Variants in NAA20 observed in about 807,000 individuals in gnomAD.
NAA20 encodes N-alpha-acetyltransferase 20, NatB catalytic subunit.
In NAA20, 24 loss-of-function variants were observed where a neutral mutation model predicts 23.8. The ratio of observed to expected loss-of-function variants is 1.01; its 90% CI spans 0.73 to 1.42. The LOEUF (loss-of-function observed/expected upper bound fraction) is 1.42, where lower values mean the gene tolerates loss of function less well. NAA20 is among the 40% of genes most tolerant of loss of function. The pLI, the probability that NAA20 is intolerant of heterozygous loss-of-function variation, is 0.00. For synonymous variants in NAA20, 83 were observed against 77.7 expected, an observed-to-expected ratio of 1.07 and a Z score of -0.36; for missense variants, 166 against 223.1, an observed-to-expected ratio of 0.74 and a Z score of 1.63.
At chr20:20,027,467 T>C (rs1190330288) in intron 4 of NAA20, among the ~76,000 whole-genome samples, 3 of 152,206 alleles carry the variant, frequency 2.0e-5, no homozygotes, top group African/African-American at 7.2e-5. Context: ...TTAAATGACT[T>C]GGCAGAACCA....
rs1189162201 is a variant in NAA20, at chr20:20,032,584, T to C, written c.382T>C (p.Tyr128His). Residue 128 changes from tyrosine (Y) to histidine (H), a missense_variant, in exon 5 of 6, where the codon TAC becomes CAC. By Grantham distance (83) the Tyr-to-His change is moderately conservative. Coordinates refer to ENST00000334982, the MANE Select transcript of NAA20 (RefSeq NM_016100.5). ...VAVNMYKQLG[Y>H]SVYRTVIEYY... ...AGTTAACATGTACAAGCAGTTGGGC[T>C]ACAGTGTATATAGGACGGTCATAGA... 1.9e-6 allele frequency: 3 copies of C among 1,613,848 alleles called. No individual in the cohort carries two copies.
chr20:20,022,734 T>C, intron 2 of NAA20: 1 of 394,426 alleles, frequency 2.5e-6, no homozygotes, highest in Non-Finnish European at 4.5e-6. Flanking sequence ...ACCTTGCCCC[T>C]CAGGAGTCAG....
intron 1 of NAA20, chr20:20,018,928 T>C: frequency 2.0e-6 from 2 of 985,422 alleles, no homozygotes; most frequent in Non-Finnish European, 2.4e-6. Context: ...GCAGTGGTTC[T>C]GAAAGACTTG....
At chr20:20,021,330 G>A (rs998519713) in intron 1 of NAA20, among the ~76,000 whole-genome samples, 3 of 152,146 alleles carry the variant, frequency 2.0e-5, no homozygotes, top group Admixed American at 2.0e-4. Flanking sequence ...CTTTTCCACT[G>A]TCATTCCCTC....
At chr20:20,019,138 C>G (rs1340061340) in intron 1 of NAA20, among the ~76,000 whole-genome samples, 1 of 152,182 alleles carries the variant, frequency 6.6e-6, no homozygotes, top group African/African-American at 2.4e-5. Flanking sequence ...TCACTTACTG[C>G]CCTGTTGTTT....
chr20:20,029,191 A>G (rs2043326096), intron 4 of NAA20, among the ~76,000 whole-genome samples: 3 of 152,222 alleles, frequency 2.0e-5, no homozygotes, highest in African/African-American at 7.2e-5. Flanking sequence ...AGAAAGATTG[A>G]AAGTAAATTT....
At chr20:20,019,049 A>G (rs1404954323) in intron 1 of NAA20, among the ~76,000 whole-genome samples, 1 of 152,104 alleles carries the variant, frequency 6.6e-6, no homozygotes, top group African/African-American at 2.4e-5. Context: ...CCCTCTCTTT[A>G]AAGTGTTCCC....
Position 20,028,987 on chromosome 20 carries a change from T to A in NAA20, c.305+2068T>A, listed in dbSNP as rs1388682319. Among the ~76,000 whole-genome samples, 6 of 152,112 alleles carry A rather than the reference T, an allele frequency of 3.9e-5. No homozygotes were observed. In the East Asian group the frequency reaches 1.2e-3, roughly 29 times the overall value. ...CTCTGTTGCTCAGGCTGGAGTGCAG[T>A]GGCGTGATCTCAGCTCACTGCAACG... On this transcript the variant is annotated intron_variant, in intron 4 of 5. Transcript: ENST00000334982.
chr20:20,029,453 C>T (rs1166831827), intron 4 of NAA20, among the ~76,000 whole-genome samples: 1 of 151,784 alleles, frequency 6.6e-6, no homozygotes, highest in Non-Finnish European at 1.5e-5. Flanking sequence ...CCCGTCTCGA[C>T]TAAAAATACA....
intron 5 of NAA20, 102 bp downstream of exon 5, chr20:20,032,755 C>CT (rs1294550668): frequency 7.3e-7 from 1 of 1,370,796 alleles, no homozygotes; most frequent in East Asian, 2.6e-5. Flanking sequence ...GAATATTTGA[C>CT]TTTAAAATTT....
chr20:20,025,104 C>G (rs1326593858), intron 2 of NAA20, among the ~76,000 whole-genome samples: 2 of 152,164 alleles, frequency 1.3e-5, no homozygotes. Context: ...CAGCTTTTAT[C>G]TGCATTACTA....
intron 2 of NAA20, among the ~76,000 whole-genome samples, chr20:20,024,695 T>C (rs1473960624): frequency 6.6e-6 from 1 of 152,076 alleles, no homozygotes; most frequent in East Asian, 1.9e-4. Context: ...GGGAGGGGTG[T>C]CTGGGACTCC....
At chr20:20,025,443 T>G (rs146205895) in intron 2 of NAA20, among the ~76,000 whole-genome samples, 1 of 152,310 alleles carries the variant, frequency 6.6e-6, no homozygotes, top group East Asian at 1.9e-4. Context: ...TTCTCTGCTT[T>G]CTATTAGACA....
chr20:20,019,524 G>T (rs1222421670), intron 1 of NAA20, among the ~76,000 whole-genome samples: 1 of 152,204 alleles, frequency 6.6e-6, no homozygotes, highest in Non-Finnish European at 1.5e-5. Context: ...GAAAATATTA[G>T]ATTTCAGAGA....
intron 1 of NAA20, 195 bp downstream of exon 1, chr20:20,017,644 C>T: frequency 9.7e-6 from 13 of 1,337,236 alleles, no homozygotes; most frequent in Non-Finnish European, 1.2e-5. Context: ...CTGGAGTCGA[C>T]GCACGCCGGC....
intron 2 of NAA20, among the ~76,000 whole-genome samples, chr20:20,024,793 T>C (rs2043296174): frequency 2.0e-5 from 3 of 152,152 alleles, no homozygotes; most frequent in Admixed American, 2.0e-4. Flanking sequence ...AAGGGTTGTA[T>C]TTGAGGGGTA....
At chr20:20,025,315 T>C (rs1010767696) in intron 2 of NAA20, among the ~76,000 whole-genome samples, 1 of 152,156 alleles carries the variant, frequency 6.6e-6, no homozygotes, top group Non-Finnish European at 1.5e-5. Flanking sequence ...AGAGGGAACA[T>C]GATATTCATA....
At chr20:20,025,391 A>G (rs958618234) in intron 2 of NAA20, among the ~76,000 whole-genome samples, 2 of 152,194 alleles carry the variant, frequency 1.3e-5, no homozygotes, top group Admixed American at 1.3e-4. Context: ...TAGATATGGT[A>G]TGGTCAGTAG....
intron 4 of NAA20, among the ~76,000 whole-genome samples, chr20:20,031,700 T>C (rs900364890): frequency 5.3e-5 from 8 of 152,098 alleles, no homozygotes; most frequent in African/African-American, 1.9e-4. Flanking sequence ...TAGAGAACTG[T>C]AGCGGGGGAA....
Sources: gnomAD v4.1 joint callset for allele counts (sites outside exome capture counted in the v4.1 genomes callset) on GRCh38, gnomAD v4.1.1 for gene constraint, MANE v1.5 for transcripts, NCBI Gene and HGNC (gene_info 2026-07-23, HGNC 2026-07-21) for gene names.